PTCD3: variants seen among roughly 807,000 people sequenced by gnomAD.
PTCD3 encodes the protein pentatricopeptide repeat domain 3, also known as small ribosomal subunit protein mS39.
Under a neutral mutation model 101.9 loss-of-function variants are expected in PTCD3, and 89 were observed. The observed-to-expected ratio is 0.87, with a 90% CI of 0.74 to 1.04. PTCD3 has a LOEUF of 1.04. Ranked by LOEUF, PTCD3 falls within the 50% of genes least tolerant of loss-of-function variation. The pLI, the probability that PTCD3 is intolerant of heterozygous loss-of-function variation, is 0.00. For synonymous variants in PTCD3, 296 were observed against 278.5 expected, an observed-to-expected ratio of 1.06 and a Z score of -0.63; for missense variants, 870 against 828.2, an observed-to-expected ratio of 1.05 and a Z score of -0.62.
In PTCD3 at chr2:86,137,669, T is replaced by G; in HGVS notation, c.*110T>G. 4 of 1,494,550 alleles carry G rather than the reference T, an allele frequency of 2.7e-6. No individual in the cohort carries two copies. The highest frequency in any genetic ancestry group is 3.6e-6 in the Non-Finnish European group (4 of 1,110,352). The allele number at this position is 1,494,550 out of a possible 1,614,324, so 92.6% of individuals were successfully genotyped here. A position where few individuals can be genotyped will look rare whatever the true frequency, so the allele number is the denominator to read the frequency against. On this transcript the variant is annotated 3_prime_UTR_variant, in exon 24 of 24. Transcript: ENST00000254630. ...TGTTACAAAGAAGAAAAGATACAGA[T>G]TTGGTGAATTTGTTACTGTGAGGTA...
chr2:86,115,804 C>T (rs911452191), intron 4 of PTCD3, among the ~76,000 whole-genome samples: 3 of 152,074 alleles, frequency 2.0e-5, no homozygotes, highest in African/African-American at 7.2e-5. Context: ...GGTAACAGGA[C>T]GTGGGAGAAG....
At chr2:86,128,577 A>G (rs1293462779) in intron 14 of PTCD3, among the ~76,000 whole-genome samples, 1 of 152,192 alleles carries the variant, frequency 6.6e-6, no homozygotes, top group Non-Finnish European at 1.5e-5. Context: ...GTCGTGATGC[A>G]GATTCAGAAC....
rs1323469637 is a variant in PTCD3, at chr2:86,108,403, G to T, written c.157+1G>T. On this transcript the variant is annotated splice_donor_variant, in intron 2 of 23. Transcript: ENST00000254630. LOFTEE classifies it high-confidence loss of function. ...AAGGTTGAAGGAACTGATGTAACAG[G>T]TATATTTTAAAATATATTGAATTCT... 1 of 1,604,772 alleles carries T rather than the reference G, an allele frequency of 6.2e-7. No homozygotes were observed. The highest frequency in any genetic ancestry group is 1.1e-5 in the South Asian group (1 of 89,102).
Position 86,127,955 on chromosome 2 carries a change from A to T in PTCD3, c.1111A>T (p.Thr371Ser). Residue 371 changes from threonine to serine, a missense_variant, in exon 14 of 24, where the codon ACA becomes TCA. By Grantham distance (58) the Thr-to-Ser change is moderately conservative. Transcript: ENST00000254630. ...KAIGIEPSLA[T>S]YHHIIRLFDQ... ...GGTAATTTGAGAACCCTCGCTTGCA[A>T]CATATCACCATATTATTCGCCTGTT... 1 of 1,610,888 alleles carries T rather than the reference A, an allele frequency of 6.2e-7. No homozygotes were observed. The highest frequency in any genetic ancestry group is 8.5e-7 in the Non-Finnish European group (1 of 1,177,136).
rs1337050113 is a variant in PTCD3 at position 86,138,558 on chromosome 2, T to C, written c.*999T>C. ...GGATACTCTAGTCTACTTATACTTGTGTTCCCATCTGTCTGCCATCCTCTG... is the reference window on the plus strand; with the variant it reads ...GGATACTCTAGTCTACTTATACTTGCGTTCCCATCTGTCTGCCATCCTCTG... On this transcript the variant is annotated 3_prime_UTR_variant, in exon 24 of 24. Coordinates refer to ENST00000254630, the MANE Select transcript of PTCD3 (RefSeq NM_017952.6). 3 of 152,178 alleles carry C rather than the reference T, an allele frequency of 2.0e-5. No homozygotes were observed. Among genetic ancestry groups the C allele is most frequent in the African/African-American group, 7.2e-5 (3 of 41,454 alleles). The allele number at this position is 152,178 out of a possible 1,614,324, so 9.4% of individuals were successfully genotyped here.
chr2:86,110,987 G>T, intron 3 of PTCD3, 126 bp from the exon 4 acceptor site: 1 of 885,750 alleles, frequency 1.1e-6, no homozygotes. Context: ...GTGACCTTGT[G>T]ACATAACCAG....
rs1674615235 is a variant in PTCD3 at position 86,137,764 on chromosome 2, C to A, written c.*205C>A. 3.3e-6 allele frequency: 2 copies of A among 605,904 alleles called. No individual in the cohort carries two copies. Among genetic ancestry groups the A allele is most frequent in the African/African-American group, 1.9e-5 (1 of 53,190 alleles). 37.5% of individuals were successfully genotyped at this position (605,904 alleles called of 1,614,324 possible). On this transcript the variant is annotated 3_prime_UTR_variant, in exon 24 of 24. Transcript: ENST00000254630. ...GCTACTTAACCATCTATTAATGCACCATTAAAGGCTTAGCATTTAAGTAGC... is the reference window on the plus strand; with the variant it reads ...GCTACTTAACCATCTATTAATGCACAATTAAAGGCTTAGCATTTAAGTAGC...
chr2:86,135,513 A>G (rs1674569138), intron 21 of PTCD3, among the ~76,000 whole-genome samples: 1 of 152,212 alleles, frequency 6.6e-6, no homozygotes, highest in African/African-American at 2.4e-5. Flanking sequence ...TCATTCACAT[A>G]CTAATTTTTA....
At chr2:86,132,952 G>A in intron 17 of PTCD3, 2 of 585,834 alleles carry the variant, frequency 3.4e-6, no homozygotes, top group Non-Finnish European at 2.9e-6. Flanking sequence ...TGACCTAAGA[G>A]TATACAGAGG....
rs111574336 is a variant in PTCD3 at position 86,128,610 on chromosome 2, T to A, written c.1147+619T>A. ...AACATTTCCATCTTTGCCAAAAGTT[T>A]GTGGACGTTTCTGCTCCAGAGGAAA... On this transcript the variant is annotated intron_variant, in intron 14 of 23. Coordinates refer to ENST00000254630, the MANE Select transcript of PTCD3 (RefSeq NM_017952.6). Among the ~76,000 whole-genome samples, 139 of 152,350 alleles carry A rather than the reference T, an allele frequency of 9.1e-4. 2 individuals are homozygous for A. The highest frequency in any genetic ancestry group is 2.9e-3 in the African/African-American group (122 of 41,574).
Position 86,127,321 on chromosome 2 carries a change from T to C in PTCD3, c.1096+16T>C. ...ATTGGAATAGGTGAGGATGCGCCCT[T>C]GAGTTCTCTGAGGACAGAGACTGTG... On this transcript the variant is annotated intron_variant, in intron 13 of 23. Coordinates refer to ENST00000254630, the MANE Select transcript of PTCD3 (RefSeq NM_017952.6). The C allele has an allele frequency of 6.2e-7, 1 of 1,610,910 alleles. No individual in the cohort carries two copies. Among genetic ancestry groups the C allele is most frequent in the Non-Finnish European group, 8.5e-7 (1 of 1,178,476 alleles).
intron 6 of PTCD3, among the ~76,000 whole-genome samples, chr2:86,118,360 G>A (rs1674215580): frequency 6.6e-6 from 1 of 152,154 alleles, no homozygotes; most frequent in Admixed American, 6.5e-5. Flanking sequence ...GAGTTTGTTG[G>A]TGGAAGTACT....
At chr2:86,118,824 T>C in intron 6 of PTCD3, 97 bp from the exon 7 acceptor site, 1 of 1,361,066 alleles carries the variant, frequency 7.3e-7, no homozygotes, top group East Asian at 2.3e-5. Context: ...AGTGAAGTTT[T>C]ACTTTGGTAT....
Position 86,106,235 on chromosome 2 carries a change from AG to A in PTCD3, c.-12del. 6.2e-7 allele frequency: 1 copy of A among 1,613,614 alleles called. No homozygotes were observed. Among genetic ancestry groups the A allele is most frequent in the Non-Finnish European group, 8.5e-7 (1 of 1,179,670 alleles). Reference sequence around the variant, plus strand: ...GGCACGCTTTCCCAACATGCTCTGCAGAGAAATCAAAGATGGCGGTTGTATC... The same window carrying A: ...GGCACGCTTTCCCAACATGCTCTGCAAGAAATCAAAGATGGCGGTTGTATC... On this transcript the variant is annotated 5_prime_UTR_variant, in exon 1 of 24. Coordinates refer to ENST00000254630, the MANE Select transcript of PTCD3 (RefSeq NM_017952.6).
chr2:86,136,746 C>A (rs945466027), intron 22 of PTCD3, 184 bp downstream of exon 22: 38 of 798,854 alleles, frequency 4.8e-5, no homozygotes, highest in Non-Finnish European at 7.6e-5. Context: ...GATCATCATA[C>A]ATTGGGGCTA....
At chr2:86,123,678 C>G in intron 8 of PTCD3, 23 bp from the exon 9 acceptor site, 1 of 1,557,718 alleles carries the variant, frequency 6.4e-7, no homozygotes, top group Non-Finnish European at 8.7e-7. Flanking sequence ...ACTTTTATTT[C>G]TTTTGATGAT....
In PTCD3 at chr2:86,124,998, A is replaced by G. The variant is rs1674357298; in HGVS notation, c.720A>G (p.Ala240=). The part of the protein sequence containing the change: ...AGHQFGVTWR[A]KNNAERIFSL... Reference sequence around the variant, plus strand: ...ACATTTACTCTCTTGTGTCTAGAGCAAAAAACAACGCTGAGAGAATCTTTT... The same window carrying G: ...ACATTTACTCTCTTGTGTCTAGAGCGAAAAACAACGCTGAGAGAATCTTTT... The change falls in exon 10 of 24, where the codon GCA becomes GCG. Residue 240 remains alanine, a synonymous_variant. Transcript: ENST00000254630. 7.4e-6 allele frequency: 12 copies of G among 1,613,876 alleles called. No individual in the cohort carries two copies. Among genetic ancestry groups the G allele is most frequent in the African/African-American group, 5.3e-5 (4 of 75,056 alleles).
chr2:86,121,505 A>G lies in PTCD3; in HGVS notation c.565A>G (p.Asn189Asp), dbSNP rs1388305180. Residue 189 changes from asparagine (N) to aspartate (D), a missense_variant, in exon 8 of 24, where the codon AAT becomes GAT. Transcript: ENST00000254630. ...AGTTVSLETT[N>D]SLLDLLCYYG... Reference sequence around the variant, plus strand: ...AACCACTGTGTCTCTTGAAACAACAAATAGTCTCTTGGATTTATTGTGTTA... The same window carrying G: ...AACCACTGTGTCTCTTGAAACAACAGATAGTCTCTTGGATTTATTGTGTTA... The G allele has an allele frequency of 2.5e-6, 4 of 1,607,116 alleles. No individual in the cohort carries two copies. The African/African-American group carries it at 5.4e-5, about 22-fold the overall frequency.
intron 19 of PTCD3, 37 bp from the exon 20 acceptor site, chr2:86,134,255 T>C (rs778922377): frequency 1.4e-6 from 2 of 1,464,276 alleles, no homozygotes; most frequent in Non-Finnish European, 1.9e-6. Context: ...TGGTTTTACA[T>C]AACAATGATC....
Sources: allele counts gnomAD v4.1 joint callset (sites outside exome capture counted in the v4.1 genomes callset), GRCh38; gene constraint gnomAD v4.1.1; transcripts MANE v1.5; gene names NCBI Gene and HGNC (gene_info 2026-07-23, HGNC 2026-07-21).